ERC2: variants seen among roughly 807,000 people sequenced by gnomAD.
ERC2 encodes the protein ERC protein 2.
In ERC2, 42 loss-of-function variants were observed where a neutral mutation model predicts 114.8. The ratio of observed to expected loss-of-function variants is 0.37; its 90% CI spans 0.29 to 0.47. The LOEUF is 0.47. Ranked by LOEUF, ERC2 falls within the 20% of genes least tolerant of loss-of-function variation. ERC2 has a pLI of 0.99. For synonymous variants in ERC2, 454 were observed against 425.5 expected, an observed-to-expected ratio of 1.07 and a Z score of -0.82; for missense variants, 939 against 1,150.7, an observed-to-expected ratio of 0.82 and a Z score of 2.66.
chr3:55,960,206 T>C (rs1195170230), intron 12 of ERC2, among the ~76,000 whole-genome samples: 2 of 152,202 alleles, frequency 1.3e-5, no homozygotes, highest in African/African-American at 4.8e-5. Context: ...TGGCATACAA[T>C]CTTCCAACGG....
intron 17 of ERC2, among the ~76,000 whole-genome samples, chr3:55,554,271 G>C (rs781436120): frequency 2.6e-5 from 4 of 152,046 alleles, no homozygotes; most frequent in Non-Finnish European, 4.4e-5. Flanking sequence ...GCTTTAAAAG[G>C]CTTTTTCATA....
chr3:55,647,869 C>A (rs143689010), intron 17 of ERC2, among the ~76,000 whole-genome samples: 2 of 152,390 alleles, frequency 1.3e-5, no homozygotes, highest in African/African-American at 4.8e-5. Flanking sequence ...GCGCAGCTGG[C>A]TGTGGTCCTG....
chr3:56,206,280 C>A (rs915115858), intron 3 of ERC2, among the ~76,000 whole-genome samples: 1 of 152,078 alleles, frequency 6.6e-6, no homozygotes, highest in African/African-American at 2.4e-5. Context: ...GATTCTTATC[C>A]ATGCCTCCAA....
At chr3:55,861,045 C>T (rs149681931) in intron 14 of ERC2, among the ~76,000 whole-genome samples, 73 of 152,346 alleles carry the variant, frequency 4.8e-4, no homozygotes, top group Admixed American at 1.2e-3. Flanking sequence ...GCTGTAGCTA[C>T]GCTATTTTCA....
At chr3:55,642,554 C>G (rs780708899) in intron 17 of ERC2, among the ~76,000 whole-genome samples, 8 of 152,006 alleles carry the variant, frequency 5.3e-5, no homozygotes, top group Non-Finnish European at 1.0e-4. Context: ...AGTCTGGTCT[C>G]GAACTCCTGG....
At chr3:56,046,542 A>G (rs1356022068) in intron 7 of ERC2, among the ~76,000 whole-genome samples, 2 of 152,246 alleles carry the variant, frequency 1.3e-5, no homozygotes, top group Non-Finnish European at 1.5e-5. Context: ...TCCATAGCCT[A>G]TCTTCACTTA....
intron 3 of ERC2, among the ~76,000 whole-genome samples, chr3:56,193,092 T>C (rs1393432553): frequency 6.6e-6 from 1 of 152,204 alleles, no homozygotes; most frequent in Non-Finnish European, 1.5e-5. Context: ...ATATTAATGA[T>C]GTTGGGAAAG....
At chr3:55,897,055 A>C (rs1325222350) in intron 13 of ERC2, among the ~76,000 whole-genome samples, 1 of 152,262 alleles carries the variant, frequency 6.6e-6, no homozygotes, top group African/African-American at 2.4e-5. Context: ...CTCTGGAGAA[A>C]TCGTCGGATC....
chr3:56,226,231 C>T (rs2050240107), intron 3 of ERC2, among the ~76,000 whole-genome samples: 1 of 152,098 alleles, frequency 6.6e-6, no homozygotes, highest in Non-Finnish European at 1.5e-5. Context: ...GAAAATACTT[C>T]CAGCCCACAT....
At chr3:55,958,947 C>A (rs2149462879) in intron 12 of ERC2, among the ~76,000 whole-genome samples, 1 of 152,264 alleles carries the variant, frequency 6.6e-6, no homozygotes, top group Admixed American at 6.5e-5. Flanking sequence ...TGTGCCAACT[C>A]AGTAAGGGGC....
chr3:55,900,304 G>A lies in ERC2; in HGVS notation c.2404-11755C>T, dbSNP rs942429818. ...TTTGGTGCTTTGTTTAGTATTGTCC[G>A]ATTTTGTTATTATAATTTTGTTTCT... On this transcript the variant is annotated intron_variant, in intron 13 of 17. Transcript: ENST00000288221. Among the ~76,000 whole-genome samples the A allele has an allele frequency of 5.9e-5, 9 of 152,054 alleles. No homozygotes were observed. In the East Asian group the frequency reaches 7.7e-4, roughly 13 times the overall value.
intron 14 of ERC2, among the ~76,000 whole-genome samples, chr3:55,791,687 GAGTGTAGTCAAAAAC>G (rs1233485722): frequency 6.6e-6 from 1 of 152,186 alleles, no homozygotes; most frequent in Admixed American, 6.5e-5. Flanking sequence ...TGAAAAATTA[GAGTGTAGTCAAAAAC>G]AGTGAAATTC....
At chr3:55,704,372 C>T (rs774263221) in intron 15 of ERC2, among the ~76,000 whole-genome samples, 106 of 152,240 alleles carry the variant, frequency 7.0e-4, no homozygotes, top group African/African-American at 2.2e-3. Context: ...TTCATGAATA[C>T]GGTTTAAATA....
intron 17 of ERC2, among the ~76,000 whole-genome samples, chr3:55,522,635 C>T (rs2053038205): frequency 6.6e-6 from 1 of 152,178 alleles, no homozygotes; most frequent in Non-Finnish European, 1.5e-5. Context: ...AGCAGACATA[C>T]TCTCTGGTTT....
chr3:55,933,076 G>A (rs978895800), intron 13 of ERC2, among the ~76,000 whole-genome samples: 4 of 152,110 alleles, frequency 2.6e-5, no homozygotes, highest in Non-Finnish European at 5.9e-5. Context: ...AGGCATGGTG[G>A]TGAGTGCCTG....
chr3:56,101,650 T>C (rs576741763), intron 6 of ERC2, among the ~76,000 whole-genome samples: 1 of 151,808 alleles, frequency 6.6e-6, no homozygotes, highest in Non-Finnish European at 1.5e-5. Context: ...ACCTGAAAAA[T>C]GTAAGTGGCA....
chr3:55,997,708 T>C (rs2149537259), intron 10 of ERC2, among the ~76,000 whole-genome samples: 1 of 149,974 alleles, frequency 6.7e-6, no homozygotes, highest in African/African-American at 2.4e-5. Flanking sequence ...ATAGTTAAGC[T>C]GCAGAAAGGT....
At chr3:56,135,085 T>C (rs2080427956) in intron 6 of ERC2, among the ~76,000 whole-genome samples, 1 of 152,106 alleles carries the variant, frequency 6.6e-6, no homozygotes, top group Non-Finnish European at 1.5e-5. Flanking sequence ...CCTGAGGAGC[T>C]GGGACTACAG....
chr3:56,194,480 T>C (rs772215200), intron 3 of ERC2, among the ~76,000 whole-genome samples: 90 of 151,972 alleles, frequency 5.9e-4, no homozygotes, highest in Non-Finnish European at 1.3e-3. Flanking sequence ...GCCAAAGGCA[T>C]AAAAGATGAA....
Sources: gnomAD v4.1 joint callset for allele counts (sites outside exome capture counted in the v4.1 genomes callset) on GRCh38, gnomAD v4.1.1 for gene constraint, MANE v1.5 for transcripts, NCBI Gene and HGNC (gene_info 2026-07-23, HGNC 2026-07-21) for gene names.